TTC7A: variants seen among roughly 807,000 people sequenced by gnomAD.
TTC7A encodes the protein tetratricopeptide repeat domain 7A.
A neutral mutation model predicts 103.7 loss-of-function variants in TTC7A; 110 were observed. That is an observed-to-expected ratio of 1.06 (90% confidence interval 0.91 to 1.24). The LOEUF is 1.24. Among genes scored for constraint, TTC7A ranks in the 50% most tolerant of loss-of-function variants. The pLI is 0.00. For missense variants in TTC7A, 1,340 were observed against 1,116.3 expected (o/e 1.20, Z -2.86); for synonymous variants, 521 against 467.9 (o/e 1.11, Z -1.47).
intron 5 of TTC7A, among the ~76,000 whole-genome samples, chr2:46,982,049 C>CA (rs1373404076): frequency 6.6e-6 from 1 of 152,146 alleles, no homozygotes; most frequent in African/African-American, 2.4e-5. Flanking sequence ...GACAGGCACG[C>CA]ACGAGTCCCT....
chr2:46,930,418 A>T (rs958513646), intron 2 of TTC7A, among the ~76,000 whole-genome samples: 4 of 150,450 alleles, frequency 2.7e-5, no homozygotes, highest in African/African-American at 7.3e-5. Context: ...AAAAAGCTAG[A>T]TGAAACGTAT....
intron 2 of TTC7A, among the ~76,000 whole-genome samples, chr2:46,954,043 C>T (rs1427743985): frequency 6.6e-6 from 1 of 152,158 alleles, no homozygotes; most frequent in Admixed American, 6.5e-5. Context: ...AATGCTGTCT[C>T]TCATTTCTTG....
Position 47,069,042 on chromosome 2 carries a change from A to C in TTC7A, c.2356-4660A>C, listed in dbSNP as rs567826199. ...CTGGGCCCCCTTCTCACTCCCCATCACGGGGACTCACTTCTAGAACCCGGG... is the reference window on the plus strand; with the variant it reads ...CTGGGCCCCCTTCTCACTCCCCATCCCGGGGACTCACTTCTAGAACCCGGG... On this transcript the variant is annotated intron_variant, in intron 19 of 19. Transcript: ENST00000319190. Among the ~76,000 whole-genome samples the C allele has an allele frequency of 2.0e-5, 3 of 151,960 alleles. No homozygotes were observed. The East Asian group carries it at 5.8e-4, about 30-fold the overall frequency.
chr2:46,934,926 G>A (rs1669900710), intron 2 of TTC7A, among the ~76,000 whole-genome samples: 1 of 150,644 alleles, frequency 6.6e-6, no homozygotes, highest in Admixed American at 6.6e-5. Flanking sequence ...TCAGCCTCCT[G>A]AGTAGCTGGA....
At chr2:47,021,719 G>C (rs1174149795) in intron 11 of TTC7A, 143 bp from the exon 12 acceptor site, 1 of 710,864 alleles carries the variant, frequency 1.4e-6, no homozygotes, top group Admixed American at 2.3e-5. Flanking sequence ...GATCTCTGGG[G>C]CAAGGGAAGC....
At chr2:47,060,322 A>G (rs1245505267) in intron 18 of TTC7A, among the ~76,000 whole-genome samples, 1 of 152,098 alleles carries the variant, frequency 6.6e-6, no homozygotes, top group Non-Finnish European at 1.5e-5. Context: ...GTGAGCTGAG[A>G]TCGCGCCACT....
chr2:47,011,261 C>G, intron 10 of TTC7A, 70 bp from the exon 11 acceptor site: 1 of 1,422,402 alleles, frequency 7.0e-7, no homozygotes, highest in Non-Finnish European at 9.7e-7. Flanking sequence ...GTTTGGGAAG[C>G]TCGCCCCACT....
intron 8 of TTC7A, among the ~76,000 whole-genome samples, chr2:47,004,979 G>A (rs548093243): frequency 6.6e-6 from 1 of 152,140 alleles, no homozygotes; most frequent in African/African-American, 2.4e-5. Flanking sequence ...TTGATGGGGA[G>A]CTTCTGGCTT....
At chr2:47,020,930 C>G (rs1679216835) in intron 11 of TTC7A, among the ~76,000 whole-genome samples, 1 of 152,236 alleles carries the variant, frequency 6.6e-6, no homozygotes, top group African/African-American at 2.4e-5. Flanking sequence ...GTTTGAATCT[C>G]ATTCCCTGGT....
chr2:46,994,474 A>T lies in TTC7A; in HGVS notation c.961A>T (p.Thr321Ser). 6.2e-7 allele frequency: 1 copy of T among 1,614,018 alleles called. No homozygotes were observed. Among genetic ancestry groups the T allele is most frequent in the Non-Finnish European group, 8.5e-7 (1 of 1,179,984 alleles). The change falls in exon 7 of 20, where the codon ACT (threonine) becomes TCT (serine). Residue 321 changes from threonine (T) to serine (S), a missense_variant. Thr to Ser is a moderately conservative substitution (Grantham distance 58, BLOSUM62 1). Coordinates refer to ENST00000319190, the MANE Select transcript of TTC7A (RefSeq NM_020458.4). ...FMGKEESSFA[T>S]QALRKPHLYE... ...GGGCAAGGAGGAGAGTTCTTTCGCCACTCAGGCCCTGCGGAAACCTCACCT... is the reference window on the plus strand; with the variant it reads ...GGGCAAGGAGGAGAGTTCTTTCGCCTCTCAGGCCCTGCGGAAACCTCACCT...
At chr2:47,010,385 A>G (rs763736245) in intron 10 of TTC7A, among the ~76,000 whole-genome samples, 5 of 152,218 alleles carry the variant, frequency 3.3e-5, no homozygotes. Flanking sequence ...CTGTTTTGCC[A>G]ACCCCAGACT....
chr2:46,996,125 GGT>G (rs773459302), intron 8 of TTC7A, among the ~76,000 whole-genome samples: 4 of 152,206 alleles, frequency 2.6e-5, no homozygotes, highest in Non-Finnish European at 4.4e-5. Flanking sequence ...AAGCACTTTG[GGT>G]GCTCAGCAAA....
At chr2:47,073,588 G>A in intron 19 of TTC7A, 114 bp from the exon 20 acceptor site, 2 of 868,754 alleles carry the variant, frequency 2.3e-6, no homozygotes, top group Non-Finnish European at 3.8e-6. Flanking sequence ...AGAGACGCGG[G>A]AATCCTCTCG....
At position 47,023,417 on chromosome 2, in the gene TTC7A, A is replaced by G. The variant is rs1679510973; in HGVS notation, c.1520A>G (p.Lys507Arg). 6.2e-7 allele frequency: 1 copy of G among 1,614,030 alleles called. No homozygotes were observed. Among genetic ancestry groups the G allele is most frequent in the Non-Finnish European group, 8.5e-7 (1 of 1,179,978 alleles). Residue 507 changes from lysine (K) to arginine (R), a missense_variant, in exon 13 of 20, where the codon AAG (lysine) becomes AGG (arginine). Physicochemically the swap from Lys to Arg is conservative, Grantham distance 26. Coordinates refer to ENST00000319190, the MANE Select transcript of TTC7A (RefSeq NM_020458.4). ...GTCCTGTCCCCTGCAGCCACCCTGA[A>G]GTCCAAGCAAGATGAATTGCACCGG... Reference protein sequence around the residue: ...YSLQATDATLKSKQDELHRKA... With the variant: ...YSLQATDATLRSKQDELHRKA...
At chr2:47,042,704 A>ATG (rs1681895597) in intron 15 of TTC7A, among the ~76,000 whole-genome samples, 1 of 130,450 alleles carries the variant, frequency 7.7e-6, no homozygotes, top group African/African-American at 3.0e-5. Flanking sequence ...GTGTGTGTGT[A>ATG]TATATATGTA....
At chr2:47,043,357 C>T (rs528576403) in intron 15 of TTC7A, among the ~76,000 whole-genome samples, 1 of 152,282 alleles carries the variant, frequency 6.6e-6, no homozygotes, top group South Asian at 2.1e-4. Flanking sequence ...ATACAGAAAG[C>T]CAGAGGGCGA....
intron 2 of TTC7A, among the ~76,000 whole-genome samples, chr2:46,951,924 C>T (rs28379847): frequency 0.048 from 7,249 of 152,308 alleles, 200 homozygotes; most frequent in Non-Finnish European, 0.063. Context: ...GATAGGAGTG[C>T]TATCCACGAG....
intron 19 of TTC7A, among the ~76,000 whole-genome samples, chr2:47,069,152 C>T (rs1037163633): frequency 3.9e-5 from 6 of 152,082 alleles, no homozygotes; most frequent in Non-Finnish European, 7.4e-5. Flanking sequence ...CCCCTACAGA[C>T]CTAGAACCTG....
chr2:46,947,850 A>T (rs1671063524), intron 1 of TTC7A, among the ~76,000 whole-genome samples: 1 of 152,216 alleles, frequency 6.6e-6, no homozygotes, highest in African/African-American at 2.4e-5. Flanking sequence ...ATTTAAAATT[A>T]CTCTGTCAGA....
Sources: gnomAD v4.1 joint callset for allele counts (sites outside exome capture counted in the v4.1 genomes callset) on GRCh38, gnomAD v4.1.1 for gene constraint, MANE v1.5 for transcripts, NCBI Gene and HGNC (gene_info 2026-07-23, HGNC 2026-07-21) for gene names.